Variants in DYNC1H1 observed in about 807,000 individuals in gnomAD.
DYNC1H1 encodes cytoplasmic dynein 1 heavy chain 1.
Under a neutral mutation model 527.1 loss-of-function variants are expected in DYNC1H1, and 51 were observed. That is an observed-to-expected ratio of 0.10 (90% CI 0.08 to 0.12). The LOEUF (loss-of-function observed/expected upper bound fraction) is 0.12, where lower values mean the gene tolerates loss of function less well. Among genes scored for constraint, DYNC1H1 ranks in the 10% least tolerant of loss-of-function variants. DYNC1H1 has a pLI of 1.00. For missense variants in DYNC1H1, 2,771 were observed against 5,971.8 expected (o/e 0.46, Z 17.66); for synonymous variants, 2,189 against 2,278.8 (o/e 0.96, Z 1.12).
chr14:102,047,602 CAT>C lies in DYNC1H1; in HGVS notation c.13007-210_13007-209del, dbSNP rs747865269. The C allele has an allele frequency of 4.6e-4, 171 of 374,442 alleles. 10 individuals carry two copies. Among genetic ancestry groups the C allele is most frequent in the Admixed American group, 1.8e-3 (44 of 23,982 alleles). 23.2% of individuals were successfully genotyped at this position (374,442 alleles called of 1,614,324 possible). Reference sequence around the variant, plus strand: ...ATACACATACGTATATATATATACACATATATGTATATATACACGTGTGTGTG... The same window carrying C: ...ATACACATACGTATATATATATACACATATGTATATATACACGTGTGTGTG... On this transcript the variant is annotated intron_variant, in intron 72 of 77. Coordinates refer to ENST00000360184, the MANE Select transcript of DYNC1H1 (RefSeq NM_001376.5).
rs2048374468 is a variant in DYNC1H1, at chr14:102,020,646, A to G, written c.8507+590A>G. Among the ~76,000 whole-genome samples, 1 of 152,162 alleles carries G rather than the reference A, an allele frequency of 6.6e-6. No individual in the cohort carries two copies. The highest frequency in any genetic ancestry group is 2.4e-5 in the African/African-American group (1 of 41,418). ...TGTCTTGTAAGTTTTGAGTTTTTCT[A>G]GTTAAGTGACCAATACTTAAGGGAA... On this transcript the variant is annotated intron_variant, in intron 42 of 77. Coordinates refer to ENST00000360184, the MANE Select transcript of DYNC1H1 (RefSeq NM_001376.5). This position sits in a 1 kb window ranked among gnomAD's most constrained non-coding sequence, Gnocchi z 4.3.
rs1269870036 is a variant in DYNC1H1, at chr14:102,027,450, G to C, written c.8954G>C (p.Cys2985Ser). The change falls in exon 46 of 78, where the codon TGT becomes TCT. Residue 2985 changes from cysteine (C) to serine (S), a missense_variant. Physicochemically the swap from Cys to Ser is moderately radical, Grantham distance 112. This residue lies in a region of DYNC1H1 where 84 missense variants were observed against 285.4 expected (regional missense o/e 0.29). Transcript: ENST00000360184. This position sits in a 1 kb window ranked among gnomAD's most constrained non-coding sequence, Gnocchi z 7.7. ...DLRTVLRRSG[C>S]KNEKIAFIMD... ...CGGACAGTGTTGAGACGTTCTGGCT[G>C]TAAAAATGAAAAGATAGCATTTATA... 1 of 1,614,038 alleles carries C rather than the reference G, an allele frequency of 6.2e-7. No individual in the cohort carries two copies. Among genetic ancestry groups the C allele is most frequent in the Non-Finnish European group, 8.5e-7 (1 of 1,180,048 alleles).
intron 2 of DYNC1H1, among the ~76,000 whole-genome samples, chr14:101,977,610 A>G (rs911917490): frequency 6.6e-6 from 1 of 152,146 alleles, no homozygotes; most frequent in African/African-American, 2.4e-5. Flanking sequence ...CCCTTATACT[A>G]ATTTTCCCCT....
intron 42 of DYNC1H1, 97 bp from the exon 43 acceptor site, chr14:102,022,654 C>T: frequency 6.4e-7 from 1 of 1,569,766 alleles, no homozygotes; most frequent in Non-Finnish European, 8.7e-7. Context: ...TGACTGCATC[C>T]TTTGGAAGAG....
rs1249408529 is a variant in DYNC1H1 at position 102,001,742 on chromosome 14, G to A, written c.4542+61G>A. The A allele has an allele frequency of 3.7e-6, 6 of 1,606,794 alleles. No homozygotes were observed. The East Asian group carries it at 6.7e-5, about 18-fold the overall frequency. On this transcript the variant is annotated intron_variant, in intron 21 of 77. Transcript: ENST00000360184. This position sits in a 1 kb window ranked among gnomAD's most constrained non-coding sequence, Gnocchi z 5.0. ...TGGTCTCCCACGCTTTCACTGTAATGCCTTTTCACTGACAGTTACTAGGTA... is the reference window on the plus strand; with the variant it reads ...TGGTCTCCCACGCTTTCACTGTAATACCTTTTCACTGACAGTTACTAGGTA...
chr14:102,004,168 C>T (rs568890825), intron 23 of DYNC1H1, among the ~76,000 whole-genome samples: 2 of 151,898 alleles, frequency 1.3e-5, no homozygotes, highest in Non-Finnish European at 1.5e-5. Context: ...GGCGTGAACC[C>T]GGGAGGCGGA....
chr14:101,980,480 T>C lies in DYNC1H1; in HGVS notation c.891T>C (p.Val297=), dbSNP rs754651654. Reference sequence around the variant, plus strand: ...AGGAGAAACGGGAGAGCCCGGAAGTTCTCCTGACTCTGGATATCTTGAAAC... The same window carrying C: ...AGGAGAAACGGGAGAGCCCGGAAGTCCTCCTGACTCTGGATATCTTGAAAC... ...RIQEKRESPE[V]LLTLDILKHG... is the part of the protein sequence containing the mutation. Residue 297 remains valine, a synonymous_variant, in exon 5 of 78, where the codon GTT becomes GTC. Transcript: ENST00000360184. 1.4e-5 allele frequency: 23 copies of C among 1,614,220 alleles called. No homozygotes were observed. Among genetic ancestry groups the C allele is most frequent in the Non-Finnish European group, 1.9e-5 (23 of 1,180,042 alleles).
intron 44 of DYNC1H1, 43 bp downstream of exon 44, chr14:102,026,750 G>C (rs1377739634): frequency 6.2e-7 from 1 of 1,603,998 alleles, no homozygotes; most frequent in Non-Finnish European, 8.5e-7. Context: ...CGCCTAAGCT[G>C]CTCTTGAGTA....
At chr14:101,993,462 G>A (rs2048021648) in intron 11 of DYNC1H1, among the ~76,000 whole-genome samples, 1 of 152,146 alleles carries the variant, frequency 6.6e-6, no homozygotes. Context: ...CTGGGCCCGT[G>A]TAATGTGTTG....
At chr14:101,981,490 T>G (rs1389265566) in intron 5 of DYNC1H1, among the ~76,000 whole-genome samples, 1 of 152,258 alleles carries the variant, frequency 6.6e-6, no homozygotes, top group African/African-American at 2.4e-5. Flanking sequence ...TAGCACGTAC[T>G]AGGTCTACAA....
intron 74 of DYNC1H1, 192 bp downstream of exon 74, chr14:102,048,861 T>C (rs2048764312): frequency 2.7e-6 from 2 of 744,750 alleles, no homozygotes; most frequent in East Asian, 2.9e-5. Flanking sequence ...GAATTTGTTT[T>C]TCTTCTGTGC....
Position 102,010,143 on chromosome 14 carries a change from T to C in DYNC1H1, c.6221+57T>C, listed in dbSNP as rs1416945082. 7 of 1,612,910 alleles carry C rather than the reference T, an allele frequency of 4.3e-6. No individual in the cohort carries two copies. Among genetic ancestry groups the C allele is most frequent in the Non-Finnish European group, 2.5e-6 (3 of 1,179,916 alleles). On this transcript the variant is annotated intron_variant, in intron 30 of 77. Transcript: ENST00000360184. This position sits in a 1 kb window ranked among gnomAD's most constrained non-coding sequence, Gnocchi z 6.0. ...TTCTTGCATATGTTAAATGTGTCCATTTAACCTTAAAATTTTTATATGTAA... is the reference window on the plus strand; with the variant it reads ...TTCTTGCATATGTTAAATGTGTCCACTTAACCTTAAAATTTTTATATGTAA...
Position 102,018,443 on chromosome 14 carries a change from G to A in DYNC1H1, c.8178-8G>A. 2.5e-6 allele frequency: 4 copies of A among 1,612,926 alleles called. No homozygotes were observed. The highest frequency in any genetic ancestry group is 3.4e-6 in the Non-Finnish European group (4 of 1,179,932). On this transcript the variant is annotated splice_region_variant and splice_polypyrimidine_tract_variant and intron_variant, in intron 40 of 77. Transcript: ENST00000360184. This position sits in a 1 kb window ranked among gnomAD's most constrained non-coding sequence, Gnocchi z 5.2. ...GGAGGGGCGCTGAGCGGGGCTATCT[G>A]TGCACAGGTTCCTGCGCCACGTGCC...
chr14:102,021,789 T>C (rs1207541346), intron 42 of DYNC1H1, among the ~76,000 whole-genome samples: 3 of 150,688 alleles, frequency 2.0e-5, no homozygotes, highest in African/African-American at 7.3e-5. Context: ...GCCCCCAGAG[T>C]AGCTGGGATT....
At chr14:102,047,641 G>GTGTGTGTGTGTATATATATATA in intron 72 of DYNC1H1, 176 bp from the exon 73 acceptor site, 27 of 316,742 alleles carry the variant, frequency 8.5e-5, no homozygotes, top group African/African-American at 1.6e-4. Flanking sequence ...GTGTGTGTGT[G>GTGTGTGTGTGTATATATATATA]TATATATATA....
chr14:102,049,831 G>A lies in DYNC1H1; in HGVS notation c.13633G>A (p.Val4545Ile), dbSNP rs963048075. 2.2e-5 allele frequency: 36 copies of A among 1,613,774 alleles called. No individual in the cohort carries two copies. Among genetic ancestry groups the A allele is most frequent in the Non-Finnish European group, 2.9e-5 (34 of 1,180,028 alleles). Residue 4545 changes from valine (V) to isoleucine (I), a missense_variant, in exon 76 of 78, where the codon GTC (valine) becomes ATC (isoleucine). Around this residue, in one of 32 missense-constraint regions of DYNC1H1, gnomAD observed 106 missense variants for 139.2 expected, o/e 0.76. Transcript: ENST00000360184. The surrounding 1 kb of genome is among the most constrained non-coding windows in gnomAD (Gnocchi z 5.5). ...GGAGGAGCTCTGCCTGGAAGTCAAC[G>A]TCACCACCTCACAGGGCGCCACCCT... ...SLEELCLEVN[V>I]TTSQGATLDA...
intron 28 of DYNC1H1, among the ~76,000 whole-genome samples, 158 bp from the exon 29 acceptor site, chr14:102,008,020 T>C (rs531495179): frequency 1.3e-5 from 2 of 152,344 alleles, no homozygotes; most frequent in African/African-American, 2.4e-5. Flanking sequence ...CCAACCCTTA[T>C]GGCCTCATTT....
chr14:102,001,527 G>T lies in DYNC1H1; in HGVS notation c.4396-8G>T, dbSNP rs2048130559. 6.2e-7 allele frequency: 1 copy of T among 1,614,106 alleles called. No individual in the cohort carries two copies. The highest frequency in any genetic ancestry group is 1.7e-5 in the Admixed American group (1 of 60,020). On this transcript the variant is annotated splice_polypyrimidine_tract_variant and splice_region_variant and intron_variant, in intron 20 of 77. Coordinates refer to ENST00000360184, the MANE Select transcript of DYNC1H1 (RefSeq NM_001376.5). The surrounding 1 kb of genome is among the most constrained non-coding windows in gnomAD (Gnocchi z 5.0). Reference sequence around the variant, plus strand: ...TTGATAACATGCATCTTTCTGGTTTGAATTCAGATAAGAGAAGTGTGGAAT... The same window carrying T: ...TTGATAACATGCATCTTTCTGGTTTTAATTCAGATAAGAGAAGTGTGGAAT...
chr14:102,016,689 T>C lies in DYNC1H1; in HGVS notation c.7615-77T>C. ...TACTTCCTTGTTCTGAAAGTTCAAGTTTGTGTTCAGGTAAACAAACCTCGT... is the reference window on the plus strand; with the variant it reads ...TACTTCCTTGTTCTGAAAGTTCAAGCTTGTGTTCAGGTAAACAAACCTCGT... On this transcript the variant is annotated intron_variant, in intron 37 of 77. Transcript: ENST00000360184. This position sits in a 1 kb window ranked among gnomAD's most constrained non-coding sequence, Gnocchi z 7.3. 1 of 1,561,942 alleles carries C rather than the reference T, an allele frequency of 6.4e-7. No individual in the cohort carries two copies. The highest frequency in any genetic ancestry group is 8.7e-7 in the Non-Finnish European group (1 of 1,147,916).
Sources: gnomAD v4.1 joint callset for allele counts (sites outside exome capture counted in the v4.1 genomes callset) on GRCh38, gnomAD v4.1.1 for gene constraint, gnomAD v4.1.1 regional missense constraint, Gnocchi (gnomAD v3.1) non-coding constraint, MANE v1.5 for transcripts, NCBI Gene and HGNC (gene_info 2026-07-23, HGNC 2026-07-21) for gene names.